The following BICDL1 variants were observed in gnomAD, a reference collection of about 807,000 sequenced individuals.
The protein encoded by BICDL1 is BICD family like cargo adaptor 1.
Under a neutral mutation model 76.8 loss-of-function variants are expected in BICDL1, and 20 were observed. That is an observed-to-expected ratio of 0.26 (90% CI 0.18 to 0.38). The LOEUF is 0.38. BICDL1 is among the 10% of genes least tolerant of loss of function. The probability of loss-of-function intolerance (pLI) is 1.00; values close to 1 mark genes in which losing one functional copy is unlikely to be tolerated. For missense variants in BICDL1, 700 were observed against 798.6 expected, an observed-to-expected ratio of 0.88 and a Z score of 1.49; for synonymous variants, 383 against 337.1, an observed-to-expected ratio of 1.14 and a Z score of -1.49.
intron 9 of BICDL1, chr12:120,092,436 A>G: frequency 1.0e-6 from 1 of 985,450 alleles, no homozygotes; most frequent in Non-Finnish European, 1.2e-6. Flanking sequence ...AGCAGGGTCT[A>G]GGGCAGCACC....
intron 7 of BICDL1, among the ~76,000 whole-genome samples, chr12:120,077,449 C>T (rs1435523927): frequency 2.0e-5 from 3 of 151,810 alleles, no homozygotes; most frequent in South Asian, 2.1e-4. Context: ...GGGTCTTCTG[C>T]GATTAGTCTG....
intron 2 of BICDL1, among the ~76,000 whole-genome samples, chr12:120,020,161 A>G (rs1373460082): frequency 6.6e-6 from 1 of 151,512 alleles, no homozygotes; most frequent in Non-Finnish European, 1.5e-5. Context: ...TCCAGGTCTG[A>G]AACAGGAACT....
intron 2 of BICDL1, among the ~76,000 whole-genome samples, chr12:119,999,025 C>T (rs539167549): frequency 1.4e-5 from 2 of 143,676 alleles, no homozygotes; most frequent in Non-Finnish European, 3.0e-5. Context: ...CATGCCACTA[C>T]ACTCCAGCCC....
chr12:120,030,696 T>C (rs1251124264), intron 2 of BICDL1, among the ~76,000 whole-genome samples: 1 of 152,244 alleles, frequency 6.6e-6, no homozygotes, highest in South Asian at 2.1e-4. Flanking sequence ...ATCACTAAAA[T>C]AGTTGCCTAG....
At chr12:120,001,403 C>T (rs551196931) in intron 2 of BICDL1, among the ~76,000 whole-genome samples, 2 of 152,022 alleles carry the variant, frequency 1.3e-5, no homozygotes, top group Admixed American at 6.6e-5. Context: ...CCTGCCACCA[C>T]GCCCGGCTAA....
At chr12:120,008,065 A>G (rs968831086) in intron 2 of BICDL1, among the ~76,000 whole-genome samples, 19 of 151,270 alleles carry the variant, frequency 1.3e-4, no homozygotes, top group African/African-American at 4.6e-4. Flanking sequence ...AATAACAGCT[A>G]TTTAAATTTC....
intron 2 of BICDL1, among the ~76,000 whole-genome samples, chr12:120,058,681 C>T (rs1368617509): frequency 1.3e-5 from 2 of 150,784 alleles, no homozygotes; most frequent in African/African-American, 2.4e-5. Context: ...ACCTCCCTCT[C>T]CTGGGTTTAA....
At chr12:120,025,206 T>G (rs929660937) in intron 2 of BICDL1, among the ~76,000 whole-genome samples, 3 of 151,764 alleles carry the variant, frequency 2.0e-5, no homozygotes, top group Middle Eastern at 3.2e-3. Flanking sequence ...GCCCGCCACC[T>G]CGCCCGGCTA....
chr12:120,027,589 C>T (rs1952333985), intron 2 of BICDL1, among the ~76,000 whole-genome samples: 1 of 152,120 alleles, frequency 6.6e-6, no homozygotes, highest in Non-Finnish European at 1.5e-5. Context: ...CATCCGGGTC[C>T]TGCGCAAACT....
chr12:120,072,220 T>C (rs1317007377), intron 5 of BICDL1, among the ~76,000 whole-genome samples: 1 of 152,250 alleles, frequency 6.6e-6, no homozygotes, highest in Non-Finnish European at 1.5e-5. Flanking sequence ...CCTGATTGTT[T>C]TCTGACTCCC....
chr12:120,003,860 A>C (rs894814281), intron 2 of BICDL1, among the ~76,000 whole-genome samples: 2 of 152,200 alleles, frequency 1.3e-5, no homozygotes, highest in African/African-American at 4.8e-5. Context: ...CTTTTACAAA[A>C]AATTCTCGTC....
In BICDL1 at chr12:120,085,101, ATCTT is replaced by A. The variant is rs1248890674; in HGVS notation, c.1583+4086_1583+4089del. Reference sequence around the variant, plus strand: ...CTTGGTGAATCCCACATAACGATGTATCTTTGCTGCTTGGATTTCCACTATATTT... The same window carrying A: ...CTTGGTGAATCCCACATAACGATGTATGCTGCTTGGATTTCCACTATATTT... On this transcript the variant is annotated intron_variant, in intron 8 of 9. Transcript: ENST00000548673. 1.1e-4 allele frequency among the ~76,000 whole-genome samples: 16 copies of A among 152,296 alleles called. No individual in the cohort carries two copies. In the East Asian group the frequency reaches 1.7e-3, roughly 17 times the overall value.
At chr12:120,068,978 C>T (rs1035481831) in intron 4 of BICDL1, among the ~76,000 whole-genome samples, 3 of 152,152 alleles carry the variant, frequency 2.0e-5, no homozygotes, top group Non-Finnish European at 2.9e-5. Flanking sequence ...AGAGCACTGC[C>T]CACAATTCCT....
intron 2 of BICDL1, among the ~76,000 whole-genome samples, chr12:120,047,737 G>C (rs1046643723): frequency 6.6e-6 from 1 of 152,030 alleles, no homozygotes; most frequent in Admixed American, 6.6e-5. Flanking sequence ...GATAATTTTT[G>C]AAGGTCATAC....
At chr12:120,000,760 A>G (rs1289282479) in intron 2 of BICDL1, among the ~76,000 whole-genome samples, 1 of 152,244 alleles carries the variant, frequency 6.6e-6, no homozygotes. Context: ...TCTGTTACTC[A>G]TTAACTGGGG....
At chr12:120,042,804 C>CA (rs538558620) in intron 2 of BICDL1, among the ~76,000 whole-genome samples, 19,200 of 120,480 alleles carry the variant, frequency 0.16, 1,620 homozygotes, top group East Asian at 0.43. Flanking sequence ...GACTCCCCCT[C>CA]AAAAAAAAAA....
chr12:120,084,330 C>A (rs979544035), intron 8 of BICDL1, among the ~76,000 whole-genome samples: 6 of 152,136 alleles, frequency 3.9e-5, no homozygotes, highest in Non-Finnish European at 7.4e-5. Flanking sequence ...TCCTCCCAGC[C>A]ACAGTAAGAA....
At chr12:120,063,737 G>A (rs1411607551) in intron 3 of BICDL1, among the ~76,000 whole-genome samples, 2 of 152,124 alleles carry the variant, frequency 1.3e-5, no homozygotes, top group Non-Finnish European at 2.9e-5. Context: ...TAAATAAATG[G>A]GAGGATCCAC....
Position 120,093,262 on chromosome 12 carries a change from T to C in BICDL1, c.*101T>C. On this transcript the variant is annotated 3_prime_UTR_variant, in exon 10 of 10. Coordinates refer to ENST00000548673, the MANE Select transcript of BICDL1 (RefSeq NM_001367886.1). ...GCAGCTTGCACCTCAGCAGCTGCCC[T>C]GCCCCTCATGCTAGGGCCCCATGGG... is the stretch of plus-strand genomic sequence containing the variant. The C allele has an allele frequency of 7.4e-7, 1 of 1,355,022 alleles. No individual in the cohort carries two copies. Among genetic ancestry groups the C allele is most frequent in the Non-Finnish European group, 1.0e-6 (1 of 980,596 alleles). The allele number at this position is 1,355,022 out of a possible 1,614,324, so 83.9% of individuals were successfully genotyped here.
Sources: gnomAD v4.1 joint callset for allele counts (sites outside exome capture counted in the v4.1 genomes callset) on GRCh38, gnomAD v4.1.1 for gene constraint, MANE v1.5 for transcripts, NCBI Gene and HGNC (gene_info 2026-07-23, HGNC 2026-07-21) for gene names.